Variants in RERE observed in about 807,000 individuals in gnomAD.
RERE encodes the protein arginine-glutamic acid dipeptide repeats.
Under a neutral mutation model 146.1 loss-of-function variants are expected in RERE, and 40 were observed. The ratio of observed to expected loss-of-function variants is 0.27; its 90% CI spans 0.21 to 0.36. The LOEUF (loss-of-function observed/expected upper bound fraction) is 0.36, where lower values mean the gene tolerates loss of function less well. Ranked by LOEUF, RERE falls within the 10% of genes least tolerant of loss-of-function variation. The probability of loss-of-function intolerance (pLI) is 1.00; values close to 1 mark genes in which losing one functional copy is unlikely to be tolerated. For synonymous variants in RERE, 1,003 were observed against 866.0 expected, an observed-to-expected ratio of 1.16 and a Z score of -2.78; for missense variants, 1,933 against 2,138.7, an observed-to-expected ratio of 0.90 and a Z score of 1.90.
chr1:8,386,647 A>C (rs971096928), intron 12 of RERE, among the ~76,000 whole-genome samples: 1 of 150,776 alleles, frequency 6.6e-6, no homozygotes, highest in African/African-American at 2.4e-5. Flanking sequence ...CATGAAAAAG[A>C]AACACAAACA....
At chr1:8,813,022 T>G (rs1641842961) in intron 1 of RERE, among the ~76,000 whole-genome samples, 1 of 151,326 alleles carries the variant, frequency 6.6e-6, no homozygotes, top group Non-Finnish European at 1.5e-5. Flanking sequence ...CTCGGCAAAA[T>G]CACACTTAAA....
At chr1:8,568,038 T>TA (rs1277135258) in intron 4 of RERE, among the ~76,000 whole-genome samples, 4 of 152,172 alleles carry the variant, frequency 2.6e-5, no homozygotes, top group Non-Finnish European at 5.9e-5. Flanking sequence ...CAGGTGTTCC[T>TA]AGAGGAGACT....
rs565998769 is a variant in RERE, at chr1:8,383,783, C to T, written c.1285-17809G>A. ...CTGAGGCAGGAGAATCGCTTGAGCC[C>T]GGGAGGTGAAGGTTGCAGTGAGCTG... On this transcript the variant is annotated intron_variant, in intron 12 of 22. Transcript: ENST00000400908. Among the ~76,000 whole-genome samples, 11 of 151,968 alleles carry T rather than the reference C, an allele frequency of 7.2e-5. No individual in the cohort carries two copies. The East Asian group carries it at 9.7e-4, about 13-fold the overall frequency.
intron 1 of RERE, among the ~76,000 whole-genome samples, chr1:8,658,204 T>C (rs1365264703): frequency 6.6e-6 from 1 of 152,210 alleles, no homozygotes; most frequent in Non-Finnish European, 1.5e-5. Flanking sequence ...CCTATCTCAC[T>C]TATTCAACAA....
chr1:8,492,197 C>T (rs72866101), intron 10 of RERE, among the ~76,000 whole-genome samples: 2,756 of 152,054 alleles, frequency 0.018, 101 homozygotes, highest in African/African-American at 0.064. Flanking sequence ...AATTGTACAA[C>T]AAAAAAATCT....
chr1:8,563,682 T>A (rs1646104698), intron 4 of RERE, among the ~76,000 whole-genome samples: 1 of 152,210 alleles, frequency 6.6e-6, no homozygotes, highest in Non-Finnish European at 1.5e-5. Flanking sequence ...AACTGCTTAG[T>A]CATGGGGGCT....
At chr1:8,501,776 C>A (rs1394386154) in intron 8 of RERE, among the ~76,000 whole-genome samples, 4 of 118,868 alleles carry the variant, frequency 3.4e-5, no homozygotes, top group East Asian at 5.4e-4. Context: ...ATCAGCCCCC[C>A]GCCTGGCCAG....
intron 2 of RERE, among the ~76,000 whole-genome samples, chr1:8,639,185 A>T (rs1647143215): frequency 2.0e-5 from 3 of 152,188 alleles, no homozygotes; most frequent in Admixed American, 2.0e-4. Context: ...ACGCTTAATC[A>T]TTACAGAAGC....
intron 3 of RERE, 69 bp from the exon 4 acceptor site, chr1:8,614,755 C>A: frequency 6.6e-7 from 1 of 1,515,000 alleles, no homozygotes; most frequent in Non-Finnish European, 8.9e-7. Flanking sequence ...TAGGGGCACG[C>A]AGCACACAAG....
intron 12 of RERE, among the ~76,000 whole-genome samples, chr1:8,409,752 G>A (rs1004013604): frequency 3.9e-5 from 6 of 152,190 alleles, no homozygotes; most frequent in Non-Finnish European, 8.8e-5. Context: ...AATGGGTTGA[G>A]AAATTAACTG....
chr1:8,497,204 T>C (rs1645057165), intron 9 of RERE, among the ~76,000 whole-genome samples: 1 of 152,164 alleles, frequency 6.6e-6, no homozygotes, highest in Non-Finnish European at 1.5e-5. Flanking sequence ...AAAACATTAC[T>C]TCATCATGAA....
At chr1:8,397,100 G>A (rs1643081819) in intron 12 of RERE, among the ~76,000 whole-genome samples, 2 of 152,208 alleles carry the variant, frequency 1.3e-5, no homozygotes, top group Admixed American at 1.3e-4. Context: ...TACTGAGTCA[G>A]AAACAGCACA....
intron 12 of RERE, among the ~76,000 whole-genome samples, chr1:8,415,833 A>G (rs1171292072): frequency 6.6e-6 from 1 of 152,262 alleles, no homozygotes; most frequent in Non-Finnish European, 1.5e-5. Context: ...GAATAGCTAT[A>G]GGATCACAGT....
At chr1:8,792,539 T>A (rs1013806353) in intron 1 of RERE, 2 of 152,184 alleles carry the variant, frequency 1.3e-5, no homozygotes, top group Non-Finnish European at 2.9e-5. Context: ...CCCACGGTGG[T>A]TGTGACCCGG....
rs1254862943 is a variant in RERE, at chr1:8,787,830, CA to C, written c.-145+29329del. On this transcript the variant is annotated intron_variant, in intron 1 of 22. Coordinates refer to ENST00000400908, the MANE Select transcript of RERE (RefSeq NM_001042681.2). ...AGGGCAACAGAGGAAGACTCTGCCT[CA>C]AAAAAAAAAAAAAAAAAATGTGCTT... is the stretch of plus-strand genomic sequence containing the variant. 1.4e-3 allele frequency among the ~76,000 whole-genome samples: 169 copies of C among 117,920 alleles called. 1 individual carries two copies. Among genetic ancestry groups the C allele is most frequent in the African/African-American group, 2.9e-3 (89 of 31,038 alleles). 77.4% of individuals were successfully genotyped at this position (117,920 alleles called of 152,430 possible). A position where few individuals can be genotyped will look rare whatever the true frequency, so the allele number is the denominator to read the frequency against.
intron 8 of RERE, among the ~76,000 whole-genome samples, chr1:8,504,550 G>A (rs960156161): frequency 6.6e-6 from 1 of 152,154 alleles, no homozygotes; most frequent in Non-Finnish European, 1.5e-5. Flanking sequence ...TAAAATAATG[G>A]ATCTAAGAAA....
chr1:8,587,966 G>A (rs1005697362), intron 4 of RERE, among the ~76,000 whole-genome samples: 4 of 152,052 alleles, frequency 2.6e-5, no homozygotes, highest in Admixed American at 6.6e-5. Flanking sequence ...AGTGTTACTC[G>A]CTTTGAAACA....
At chr1:8,719,900 T>G (rs1262071244) in intron 1 of RERE, among the ~76,000 whole-genome samples, 7 of 152,218 alleles carry the variant, frequency 4.6e-5, no homozygotes, top group African/African-American at 1.7e-4. Context: ...TGGTCTTTGC[T>G]GCTATATGAA....
chr1:8,716,878 T>C (rs1313374454), intron 1 of RERE, among the ~76,000 whole-genome samples: 1 of 152,150 alleles, frequency 6.6e-6, no homozygotes, highest in African/African-American at 2.4e-5. Context: ...GGCATCGGAC[T>C]GAAATTTATT....
Sources: allele counts gnomAD v4.1 joint callset (sites outside exome capture counted in the v4.1 genomes callset), GRCh38; gene constraint gnomAD v4.1.1; transcripts MANE v1.5; gene names NCBI Gene and HGNC (gene_info 2026-07-23, HGNC 2026-07-21).